The following DLGAP1 variants were observed in gnomAD, a reference collection of about 807,000 sequenced individuals.
DLGAP1 encodes disks large-associated protein 1.
A neutral mutation model predicts 90.8 loss-of-function variants in DLGAP1; 11 were observed. That is an observed-to-expected ratio of 0.12 (90% CI 0.08 to 0.20). The LOEUF is 0.20. Ranked by LOEUF, DLGAP1 falls within the 10% of genes least tolerant of loss-of-function variation. The pLI is 1.00. For synonymous variants in DLGAP1, 558 were observed against 540.7 expected (o/e 1.03, Z -0.44); for missense variants, 1,050 against 1,333.8 (o/e 0.79, Z 3.31).
rs1046128873 is a variant in DLGAP1, at chr18:4,342,829, T to G, written c.-267+112177A>C. Among the ~76,000 whole-genome samples, 4 of 152,040 alleles carry G rather than the reference T, an allele frequency of 2.6e-5. No individual in the cohort carries two copies. Among genetic ancestry groups the G allele is most frequent in the Admixed American group, 6.5e-5 (1 of 15,274 alleles). ...GAAAATCTTTACAAATTTTTTGATT[T>G]AATTGTTTACAACAATTCATAGAGA... On this transcript the variant is annotated intron_variant, in intron 1 of 12. Transcript: ENST00000315677. This position sits in a 1 kb window ranked among gnomAD's most constrained non-coding sequence, Gnocchi z 5.8.
intron 2 of DLGAP1, among the ~76,000 whole-genome samples, chr18:4,111,751 A>G (rs2075976844): frequency 6.6e-6 from 1 of 151,842 alleles, no homozygotes; most frequent in African/African-American, 2.4e-5. Context: ...TTTCTTTATA[A>G]TCCTTTTTAT....
At chr18:3,898,067 T>G (rs972750440) in intron 3 of DLGAP1, among the ~76,000 whole-genome samples, 9 of 152,214 alleles carry the variant, frequency 5.9e-5, no homozygotes, top group African/African-American at 1.9e-4. Context: ...GTGCTGGGAT[T>G]ACAGGCGTGA....
At chr18:4,098,190 AGGCAGGAGCT>A (rs1568395284) in intron 2 of DLGAP1, among the ~76,000 whole-genome samples, 2 of 152,234 alleles carry the variant, frequency 1.3e-5, no homozygotes, top group African/African-American at 4.8e-5. Flanking sequence ...CTGGGATTAC[AGGCAGGAGCT>A]ACCGTGCCCA....
chr18:3,840,565 C>G (rs2068656935), intron 4 of DLGAP1, among the ~76,000 whole-genome samples: 3 of 152,182 alleles, frequency 2.0e-5, no homozygotes, highest in South Asian at 2.1e-4. Flanking sequence ...CCTTAAGATC[C>G]TTAATGTAAT....
intron 3 of DLGAP1, among the ~76,000 whole-genome samples, chr18:3,971,076 T>C (rs2073439262): frequency 6.6e-6 from 1 of 152,194 alleles, no homozygotes; most frequent in Non-Finnish European, 1.5e-5. Context: ...TTCCAGGTTA[T>C]TGCAACCAAA....
intron 3 of DLGAP1, chr18:3,895,660 C>T (rs570094325): frequency 3.9e-5 from 6 of 152,352 alleles, no homozygotes; most frequent in African/African-American, 1.2e-4. Flanking sequence ...CTGGGAATAA[C>T]GCATTGTTGG....
intron 4 of DLGAP1, among the ~76,000 whole-genome samples, chr18:3,861,949 G>A (rs560903869): frequency 6.6e-6 from 1 of 152,200 alleles, no homozygotes; most frequent in Non-Finnish European, 1.5e-5. Context: ...AGAGCAATAC[G>A]AAAAATGCAG....
chr18:4,451,610 C>A (rs2083833992), intron 1 of DLGAP1, among the ~76,000 whole-genome samples: 1 of 152,050 alleles, frequency 6.6e-6, no homozygotes, highest in Non-Finnish European at 1.5e-5. Flanking sequence ...CTTCATCGGG[C>A]AGTAACAAGA....
chr18:4,113,005 C>T (rs1322404305), intron 2 of DLGAP1, among the ~76,000 whole-genome samples: 1 of 152,072 alleles, frequency 6.6e-6, no homozygotes, highest in Non-Finnish European at 1.5e-5. Context: ...TTTATCCAAT[C>T]CATTGCTGAT....
intron 7 of DLGAP1, among the ~76,000 whole-genome samples, chr18:3,679,123 T>C (rs2060417825): frequency 6.6e-6 from 1 of 152,154 alleles, no homozygotes; most frequent in Admixed American, 6.5e-5. Context: ...CATGCCACTG[T>C]GCCTGGCTGT....
intron 7 of DLGAP1, among the ~76,000 whole-genome samples, chr18:3,710,505 C>G (rs1195232920): frequency 6.6e-6 from 1 of 152,224 alleles, no homozygotes; most frequent in South Asian, 2.1e-4. Flanking sequence ...GAAAAGCTCC[C>G]GTCAAGGACG....
chr18:4,006,176 T>C (rs1001903261), intron 2 of DLGAP1, among the ~76,000 whole-genome samples: 3 of 152,218 alleles, frequency 2.0e-5, no homozygotes, highest in African/African-American at 4.8e-5. Flanking sequence ...CTTCATTTTA[T>C]GAAGTATTCT....
rs542282785 is a variant in DLGAP1, at chr18:3,834,238, G to A, written c.958-19965C>T. On this transcript the variant is annotated intron_variant, in intron 4 of 12. Transcript: ENST00000315677. ...GGAGACTGGCGTGAACCCAGGAGGC[G>A]GAGCTTGCAGTGAGCCGAGATCGCG... Among the ~76,000 whole-genome samples, 12 of 148,922 alleles carry A rather than the reference G, an allele frequency of 8.1e-5. No individual in the cohort carries two copies. The South Asian group carries it at 1.3e-3, about 16-fold the overall frequency.
At chr18:3,551,710 CCCTCCCTCCCTCCCTTCCTTCCTTCCTT>C (rs1431437263) in intron 9 of DLGAP1, among the ~76,000 whole-genome samples, 4 of 31,236 alleles carry the variant, frequency 1.3e-4, no homozygotes, top group African/African-American at 3.2e-4. Context: ...CTCCCTCCCT[CCCTCCCTCCCTCCCTTCCTTCCTTCCTT>C]CCTTCCTTCC....
At chr18:3,599,534 C>T (rs751248534) in intron 7 of DLGAP1, among the ~76,000 whole-genome samples, 3 of 152,212 alleles carry the variant, frequency 2.0e-5, no homozygotes, top group South Asian at 2.1e-4. Flanking sequence ...ACTAAGCCCA[C>T]CTGTGGAGGG....
In DLGAP1 at chr18:3,671,529, GTTTTCCTGCTT is replaced by G. The variant is rs549117126; in HGVS notation, c.1591+57595_1591+57605del. On this transcript the variant is annotated intron_variant, in intron 7 of 12. Transcript: ENST00000315677. ...CCTGACTCTTAAATTGGCAATGCAT[GTTTTCCTGCTT>G]CATGGCTGCACTTGAGCAGAAATGT... Among the ~76,000 whole-genome samples the G allele has an allele frequency of 2.8e-3, 432 of 152,264 alleles. 4 individuals are homozygous for G. The highest frequency in any genetic ancestry group is 9.5e-3 in the African/African-American group (395 of 41,552).
intron 1 of DLGAP1, among the ~76,000 whole-genome samples, chr18:4,343,556 T>A (rs1598946897): frequency 6.6e-6 from 1 of 152,052 alleles, no homozygotes; most frequent in Non-Finnish European, 1.5e-5. Context: ...AAGTTTGGCA[T>A]ATGGTGAGCA....
At chr18:3,751,621 C>T (rs1040150724) in intron 5 of DLGAP1, among the ~76,000 whole-genome samples, 3 of 150,566 alleles carry the variant, frequency 2.0e-5, no homozygotes, top group African/African-American at 4.9e-5. Flanking sequence ...TGCAGTGGCA[C>T]GATCTTGTGT....
rs531115504 is a variant in DLGAP1 at position 3,878,999 on chromosome 18, G to T, written c.957+113C>A. The T allele has an allele frequency of 2.9e-5, 26 of 888,604 alleles. 1 individual carries two copies. The Middle Eastern group carries it at 7.1e-4, about 24-fold the overall frequency. 55.0% of individuals were successfully genotyped at this position (888,604 alleles called of 1,614,324 possible). On this transcript the variant is annotated intron_variant, in intron 4 of 12. Transcript: ENST00000315677. ...CAGAGATGCCGAATAATTTGCACAG[G>T]TTCCTATCTTAATAGACAATTCAGA...
Sources: gnomAD v4.1 joint callset for allele counts (sites outside exome capture counted in the v4.1 genomes callset) on GRCh38, gnomAD v4.1.1 for gene constraint, Gnocchi (gnomAD v3.1) non-coding constraint, MANE v1.5 for transcripts, NCBI Gene and HGNC (gene_info 2026-07-23, HGNC 2026-07-21) for gene names.